Variants in CNTNAP5 observed in about 807,000 individuals in gnomAD.
The protein encoded by CNTNAP5 is contactin-associated protein-like 5.
In CNTNAP5, 72 loss-of-function variants were observed where a neutral mutation model predicts 150.2. That is an observed-to-expected ratio of 0.48 (90% CI 0.40 to 0.58). CNTNAP5 has a LOEUF of 0.58. Among genes scored for constraint, CNTNAP5 ranks in the 20% least tolerant of loss-of-function variants. The pLI is 0.00. For missense variants in CNTNAP5, 1,636 were observed against 1,626.2 expected, an observed-to-expected ratio of 1.01 and a Z score of -0.10; for synonymous variants, 672 against 619.8, an observed-to-expected ratio of 1.08 and a Z score of -1.25.
At chr2:124,798,925 G>A (rs1187027237) in intron 19 of CNTNAP5, among the ~76,000 whole-genome samples, 2 of 151,852 alleles carry the variant, frequency 1.3e-5, no homozygotes, top group African/African-American at 4.8e-5. Context: ...CAAAACTATA[G>A]TACTATTGTT....
chr2:124,489,575 G>A (rs946919712), intron 7 of CNTNAP5, among the ~76,000 whole-genome samples: 3 of 152,134 alleles, frequency 2.0e-5, no homozygotes, highest in Non-Finnish European at 2.9e-5. Context: ...ACAACAATTA[G>A]ACTCTGCAAA....
At chr2:124,803,668 C>A (rs1175317547) in intron 19 of CNTNAP5, among the ~76,000 whole-genome samples, 1 of 152,170 alleles carries the variant, frequency 6.6e-6, no homozygotes, top group African/African-American at 2.4e-5. Context: ...GATGCACTGT[C>A]TGCATTTGTG....
intron 22 of CNTNAP5, among the ~76,000 whole-genome samples, chr2:124,905,139 T>TC (rs397690551): frequency 2.0e-5 from 3 of 147,584 alleles, no homozygotes; most frequent in Admixed American, 6.7e-5. Flanking sequence ...TTTTTTTTTT[T>TC]CCACAAAAGG....
intron 6 of CNTNAP5, among the ~76,000 whole-genome samples, chr2:124,448,904 G>C (rs1376548806): frequency 6.6e-6 from 1 of 152,036 alleles, no homozygotes; most frequent in Non-Finnish European, 1.5e-5. Flanking sequence ...AGAATCTTAC[G>C]TTTGGATACA....
chr2:124,640,546 G>T (rs72974558), intron 12 of CNTNAP5, among the ~76,000 whole-genome samples: 1 of 152,124 alleles, frequency 6.6e-6, no homozygotes, highest in African/African-American at 2.4e-5. Context: ...AGTGAGGCAC[G>T]GATGGATTCT....
At chr2:124,619,842 CATATATATATATATAT>C (rs58774096) in intron 12 of CNTNAP5, among the ~76,000 whole-genome samples, 21,485 of 98,172 alleles carry the variant, frequency 0.22, 3,348 homozygotes, top group East Asian at 0.69. Flanking sequence ...CTGTCTCATT[CATATATATATATATAT>C]ATATATATAT....
chr2:124,317,060 T>C (rs1688985145), intron 3 of CNTNAP5, among the ~76,000 whole-genome samples: 1 of 152,092 alleles, frequency 6.6e-6, no homozygotes, highest in African/African-American at 2.4e-5. Context: ...TGCAGCAACA[T>C]CTGCTTAGTC....
In CNTNAP5 at chr2:124,106,953, GA is replaced by G. The variant is rs202233616; in HGVS notation, c.82+81229del. Among the ~76,000 whole-genome samples the G allele has an allele frequency of 4.6e-5, 7 of 151,180 alleles. No homozygotes were observed. In the East Asian group the frequency reaches 5.9e-4, roughly 13 times the overall value. On this transcript the variant is annotated intron_variant, in intron 1 of 23. Coordinates refer to ENST00000682447, the MANE Select transcript of CNTNAP5 (RefSeq NM_001367498.1). ...GACTTGAAAATTGATTGGTGTGAGG[GA>G]AAAAAAACCCAGACATTTGGTGTCA...
chr2:124,289,479 A>G (rs1688231204), intron 3 of CNTNAP5, among the ~76,000 whole-genome samples: 1 of 152,222 alleles, frequency 6.6e-6, no homozygotes, highest in African/African-American at 2.4e-5. Flanking sequence ...GTGAATACAA[A>G]TTTGTCATCA....
intron 1 of CNTNAP5, among the ~76,000 whole-genome samples, chr2:124,035,599 A>G (rs541947091): frequency 1.3e-5 from 2 of 152,302 alleles, no homozygotes; most frequent in East Asian, 3.9e-4. Context: ...TCAGCTTCAA[A>G]TGGCCACTGA....
At chr2:124,446,255 C>T (rs900027822) in intron 5 of CNTNAP5, among the ~76,000 whole-genome samples, 8 of 152,194 alleles carry the variant, frequency 5.3e-5, no homozygotes, top group South Asian at 2.1e-4. Flanking sequence ...TCCTAAGTGC[C>T]GTGCATACAG....
At chr2:124,703,139 C>G (rs1418407862) in intron 13 of CNTNAP5, among the ~76,000 whole-genome samples, 1 of 141,572 alleles carries the variant, frequency 7.1e-6, no homozygotes, top group Non-Finnish European at 1.6e-5. Flanking sequence ...GTCTCCCTCC[C>G]TCCCTTCTTT....
chr2:124,919,640 A>T lies in CNTNAP5; in HGVS notation c.*5352A>T, dbSNP rs1678834367. Among the ~76,000 whole-genome samples the T allele has an allele frequency of 6.6e-6, 1 of 152,000 alleles. No individual in the cohort carries two copies. Among genetic ancestry groups the T allele is most frequent in the South Asian group, 2.1e-4 (1 of 4,824 alleles). On this transcript the variant is annotated 3_prime_UTR_variant, in exon 24 of 24. Transcript: ENST00000682447. ...GGAGTCTCTTTAGTGCATTTGGATCATTGTCTTACTCATTAGGGAAAGAGG... is the reference window on the plus strand; with the variant it reads ...GGAGTCTCTTTAGTGCATTTGGATCTTTGTCTTACTCATTAGGGAAAGAGG...
rs1163992161 is a variant in CNTNAP5, at chr2:124,150,659, GAGAAAA to G, written c.83-71034_83-71029del. Among the ~76,000 whole-genome samples the G allele has an allele frequency of 1.2e-3, 187 of 152,092 alleles. 1 individual carries two copies. Among genetic ancestry groups the G allele is most frequent in the African/African-American group, 4.2e-3 (176 of 41,484 alleles). On this transcript the variant is annotated intron_variant, in intron 1 of 23. Coordinates refer to ENST00000682447, the MANE Select transcript of CNTNAP5 (RefSeq NM_001367498.1). ...CACATGGTGGGGAGAGAGAAAGAAA[GAGAAAA>G]AGAAAAAGAAAGAGAAAGAGAGAAA...
chr2:124,390,265 CT>C (rs1393380128), intron 3 of CNTNAP5, among the ~76,000 whole-genome samples: 2 of 152,204 alleles, frequency 1.3e-5, no homozygotes, highest in African/African-American at 2.4e-5. Context: ...GATTTCTCAT[CT>C]GCATCTTCCG....
chr2:124,729,906 A>G (rs1248704386), intron 13 of CNTNAP5, among the ~76,000 whole-genome samples: 1 of 152,094 alleles, frequency 6.6e-6, no homozygotes, highest in Non-Finnish European at 1.5e-5. Flanking sequence ...GCAGCCAACA[A>G]TGCATTAACT....
chr2:124,189,556 G>T (rs1685412858), intron 1 of CNTNAP5, among the ~76,000 whole-genome samples: 1 of 152,198 alleles, frequency 6.6e-6, no homozygotes, highest in Non-Finnish European at 1.5e-5. Context: ...GATAATAGGT[G>T]TGAAAGAGTG....
At chr2:124,461,186 C>T (rs1363299145) in intron 6 of CNTNAP5, among the ~76,000 whole-genome samples, 1 of 151,954 alleles carries the variant, frequency 6.6e-6, no homozygotes, top group Non-Finnish European at 1.5e-5. Context: ...GGTATATACC[C>T]AAAAGACTAT....
At chr2:124,385,652 TAGTA>T (rs1250600986) in intron 3 of CNTNAP5, among the ~76,000 whole-genome samples, 7 of 152,194 alleles carry the variant, frequency 4.6e-5, no homozygotes, top group South Asian at 2.1e-4. Flanking sequence ...GATGTTGAAG[TAGTA>T]AGTAAGTGGC....
Sources: gnomAD v4.1 joint callset for allele counts (sites outside exome capture counted in the v4.1 genomes callset) on GRCh38, gnomAD v4.1.1 for gene constraint, MANE v1.5 for transcripts, NCBI Gene and HGNC (gene_info 2026-07-23, HGNC 2026-07-21) for gene names.